Variants in SSBP2 observed in about 807,000 individuals in gnomAD.
The protein encoded by SSBP2 is single-stranded DNA-binding protein 2.
SSBP2 carries 17 observed loss-of-function variants against 61.8 expected under a neutral mutation model. That is an observed-to-expected ratio of 0.28 (90% confidence interval 0.19 to 0.41). The LOEUF is 0.41. Ranked by LOEUF, SSBP2 falls within the 10% of genes least tolerant of loss-of-function variation. The pLI, the probability that SSBP2 is intolerant of heterozygous loss-of-function variation, is 1.00. For missense variants in SSBP2, 310 were observed against 458.7 expected (o/e 0.68, Z 2.96); for synonymous variants, 139 against 141.3 (o/e 0.98, Z 0.12).
intron 1 of SSBP2, among the ~76,000 whole-genome samples, chr5:81,694,252 T>C (rs962091414): frequency 6.6e-6 from 1 of 152,152 alleles, no homozygotes; most frequent in African/African-American, 2.4e-5. Context: ...GACCCAGCAT[T>C]TGATAGTACA....
chr5:81,685,974 C>A (rs1752742041), intron 1 of SSBP2, among the ~76,000 whole-genome samples: 1 of 152,174 alleles, frequency 6.6e-6, no homozygotes, highest in African/African-American at 2.4e-5. Context: ...AAATAAAATT[C>A]TTCAAAGCAC....
At chr5:81,440,423 C>A in intron 14 of SSBP2, 135 bp downstream of exon 14, 4 of 631,176 alleles carry the variant, frequency 6.3e-6, no homozygotes, top group South Asian at 6.1e-5. Context: ...ATTAAACTAT[C>A]TGTATGAGGT....
intron 1 of SSBP2, among the ~76,000 whole-genome samples, chr5:81,665,436 G>A (rs1427767214): frequency 2.6e-5 from 4 of 152,246 alleles, no homozygotes; most frequent in Middle Eastern, 3.4e-3. Context: ...TCAGTCACTA[G>A]AGAAGCCTCA....
chr5:81,539,420 A>C (rs1433348820), intron 4 of SSBP2, among the ~76,000 whole-genome samples: 2 of 152,186 alleles, frequency 1.3e-5, no homozygotes, highest in African/African-American at 4.8e-5. Context: ...AAACGATTAC[A>C]AAAGATTTAG....
intron 4 of SSBP2, among the ~76,000 whole-genome samples, chr5:81,516,871 G>A (rs2154088853): frequency 6.6e-6 from 1 of 152,154 alleles, no homozygotes; most frequent in South Asian, 2.1e-4. Flanking sequence ...TGAAATTTCT[G>A]AGACTTCTCT....
At position 81,428,570 on chromosome 5, in the gene SSBP2, C is replaced by A; in HGVS notation, c.1056+15G>T. 6.3e-7 allele frequency: 1 copy of A among 1,599,396 alleles called. No individual in the cohort carries two copies. Among genetic ancestry groups the A allele is most frequent in the South Asian group, 1.1e-5 (1 of 90,666 alleles). On this transcript the variant is annotated intron_variant, in intron 16 of 16. Coordinates refer to ENST00000320672, the MANE Select transcript of SSBP2 (RefSeq NM_012446.5). ...AAATAAAATTTGAGTATAATATAGT[C>A]AAGGGAATACTTACACTCTCACTCT...
rs542339378 is a variant in SSBP2, at chr5:81,500,501, G to A, written c.373-11192C>T. On this transcript the variant is annotated intron_variant, in intron 5 of 16. Coordinates refer to ENST00000320672, the MANE Select transcript of SSBP2 (RefSeq NM_012446.5). ...TGCTGGAACGGAGTCTCACTCTGTCGCCAGGCTGGAGTACAGTGACACAAT... is the reference window on the plus strand; with the variant it reads ...TGCTGGAACGGAGTCTCACTCTGTCACCAGGCTGGAGTACAGTGACACAAT... Among the ~76,000 whole-genome samples the A allele has an allele frequency of 8.4e-4, 126 of 149,220 alleles. 1 individual carries two copies. Among genetic ancestry groups the A allele is most frequent in the African/African-American group, 3.0e-3 (122 of 40,312 alleles).
chr5:81,461,187 T>C (rs1441881469), intron 9 of SSBP2, 84 bp from the exon 10 acceptor site: 1 of 1,080,096 alleles, frequency 9.3e-7, no homozygotes, highest in East Asian at 3.0e-5. Flanking sequence ...AAATATAACA[T>C]TTATAATTCA....
chr5:81,451,496 G>A lies in SSBP2; in HGVS notation c.688-2671C>T, dbSNP rs183815087. On this transcript the variant is annotated intron_variant, in intron 10 of 16. Coordinates refer to ENST00000320672, the MANE Select transcript of SSBP2 (RefSeq NM_012446.5). ...GGCTGGAGTGCAGTGGCGTGATCTA[G>A]GCTCACTGTAACCTCTGCCTCCTGG... Among the ~76,000 whole-genome samples the A allele has an allele frequency of 3.4e-3, 524 of 152,118 alleles. 2 individuals carry two copies. The highest frequency in any genetic ancestry group is 0.012 in the African/African-American group (495 of 41,496).
intron 10 of SSBP2, 57 bp from the exon 11 acceptor site, chr5:81,448,882 C>T: frequency 1.6e-6 from 2 of 1,274,608 alleles, no homozygotes; most frequent in South Asian, 1.3e-5. Context: ...TGGACACTGA[C>T]CTAAAATGAA....
intron 1 of SSBP2, among the ~76,000 whole-genome samples, chr5:81,725,031 G>C (rs943740253): frequency 6.6e-6 from 1 of 152,100 alleles, no homozygotes; most frequent in African/African-American, 2.4e-5. Flanking sequence ...ACACAGGTAA[G>C]GTCTCTGCCT....
chr5:81,738,328 T>A (rs1756760940), intron 1 of SSBP2, among the ~76,000 whole-genome samples: 1 of 152,226 alleles, frequency 6.6e-6, no homozygotes, highest in South Asian at 2.1e-4. Context: ...CGCTATTTTT[T>A]TAAAGAGAGA....
intron 3 of SSBP2, among the ~76,000 whole-genome samples, chr5:81,623,417 G>A (rs1269136146): frequency 7.0e-6 from 1 of 142,244 alleles, no homozygotes. Context: ...CTCACTGCAA[G>A]CTCTGCCTCC....
intron 1 of SSBP2, among the ~76,000 whole-genome samples, chr5:81,725,710 C>T (rs1027573879): frequency 1.3e-5 from 2 of 152,038 alleles, no homozygotes; most frequent in Non-Finnish European, 2.9e-5. Context: ...AAATGGGTAG[C>T]GGTTTTTTGA....
At chr5:81,431,193 A>G (rs1296673809) in intron 15 of SSBP2, among the ~76,000 whole-genome samples, 1 of 152,170 alleles carries the variant, frequency 6.6e-6, no homozygotes, top group African/African-American at 2.4e-5. Context: ...TATGATGTAT[A>G]AAAAGGACTT....
rs1375395589 is a variant in SSBP2, at chr5:81,416,726, G to A, written c.*3778C>T. 6.6e-6 allele frequency: 1 copy of A among 152,178 alleles called. No homozygotes were observed. Among genetic ancestry groups the A allele is most frequent in the Non-Finnish European group, 1.5e-5 (1 of 68,038 alleles). 9.4% of individuals were successfully genotyped at this position (152,178 alleles called of 1,614,324 possible). On this transcript the variant is annotated 3_prime_UTR_variant, in exon 17 of 17. Coordinates refer to ENST00000320672, the MANE Select transcript of SSBP2 (RefSeq NM_012446.5). ...CTGAATAACCCTATGAAATGCAATGGAGTTCAGATATCTTAGAGAATCATA... is the reference window on the plus strand; with the variant it reads ...CTGAATAACCCTATGAAATGCAATGAAGTTCAGATATCTTAGAGAATCATA...
intron 16 of SSBP2, among the ~76,000 whole-genome samples, chr5:81,427,744 A>G (rs1336758956): frequency 6.6e-6 from 1 of 152,148 alleles, no homozygotes; most frequent in African/African-American, 2.4e-5. Flanking sequence ...TTTATGCTAC[A>G]TTCCAGTTCA....
intron 1 of SSBP2, among the ~76,000 whole-genome samples, chr5:81,657,765 A>T (rs1469662205): frequency 6.6e-6 from 1 of 152,230 alleles, no homozygotes; most frequent in Non-Finnish European, 1.5e-5. Context: ...CTATATAAAA[A>T]TATTAAATCT....
rs1173253294 is a variant in SSBP2 at position 81,466,991 on chromosome 5, T to C, written c.621A>G (p.Gly207=). The change falls in exon 9 of 17, where the codon GGA becomes GGG. Residue 207 remains glycine, a synonymous_variant. Transcript: ENST00000320672. ...TTGCTTACATGTTCATTCCAGGCAT[T>C]CCAGGGCCACCTAAAGCATTCAGTG... The C allele has an allele frequency of 2.9e-5, 47 of 1,608,786 alleles. No homozygotes were observed. Among genetic ancestry groups the C allele is most frequent in the Non-Finnish European group, 3.8e-5 (45 of 1,176,402 alleles).
Sources: gnomAD v4.1 joint callset for allele counts (sites outside exome capture counted in the v4.1 genomes callset) on GRCh38, gnomAD v4.1.1 for gene constraint, MANE v1.5 for transcripts, NCBI Gene and HGNC (gene_info 2026-07-23, HGNC 2026-07-21) for gene names.